The following ATAD2 variants were observed in gnomAD, a reference collection of about 807,000 sequenced individuals.
ATAD2 encodes the protein ATPase family AAA domain-containing protein 2.
ATAD2 carries 62 observed loss-of-function variants against 168.9 expected under a neutral mutation model. That is an observed-to-expected ratio of 0.37 (90% CI 0.30 to 0.45). The LOEUF is 0.45. Ranked by LOEUF, ATAD2 falls within the 20% of genes least tolerant of loss-of-function variation. The pLI is 1.00. For synonymous variants in ATAD2, 613 were observed against 571.6 expected, an observed-to-expected ratio of 1.07 and a Z score of -1.03; for missense variants, 1,419 against 1,667.8, an observed-to-expected ratio of 0.85 and a Z score of 2.60.
rs1172405624 is a variant in ATAD2 at position 123,381,122 on chromosome 8, A to G, written c.172-445T>C. Among the ~76,000 whole-genome samples the G allele has an allele frequency of 2.6e-5, 4 of 152,198 alleles. No homozygotes were observed. The East Asian group carries it at 7.7e-4, about 29-fold the overall frequency. On this transcript the variant is annotated intron_variant, in intron 1 of 27. Coordinates refer to ENST00000287394, the MANE Select transcript of ATAD2 (RefSeq NM_014109.4). ...AAATAACTGGTCCATCAGAATTATA[A>G]TTTTGGCTTAAACAATGAAAAAGAG... is the stretch of plus-strand genomic sequence containing the variant.
chr8:123,355,755 A>C (rs1204861275), intron 13 of ATAD2, among the ~76,000 whole-genome samples: 1 of 152,190 alleles, frequency 6.6e-6, no homozygotes, highest in Non-Finnish European at 1.5e-5. Context: ...AAAGCAACTG[A>C]ATATGCTCTT....
At chr8:123,387,328 T>C (rs570373062) in intron 1 of ATAD2, among the ~76,000 whole-genome samples, 2 of 152,302 alleles carry the variant, frequency 1.3e-5, no homozygotes, top group South Asian at 2.1e-4. Flanking sequence ...TTTTTTCTGA[T>C]GTTATAAATA....
chr8:123,372,587 GAAT>G (rs1323798581), intron 3 of ATAD2, 47 bp downstream of exon 3: 4 of 1,388,158 alleles, frequency 2.9e-6, no homozygotes, highest in Admixed American at 2.3e-5. Context: ...CCTGTAAACA[GAAT>G]ATTAATTACA....
intron 11 of ATAD2, among the ~76,000 whole-genome samples, chr8:123,358,587 C>T (rs1469749407): frequency 2.0e-5 from 3 of 152,064 alleles, no homozygotes; most frequent in East Asian, 3.8e-4. Flanking sequence ...ACCTTGTGAT[C>T]CACCTACCTT....
chr8:123,367,290 GC>G (rs1288263709), intron 8 of ATAD2, among the ~76,000 whole-genome samples: 1 of 152,114 alleles, frequency 6.6e-6, no homozygotes, highest in African/African-American at 2.4e-5. Flanking sequence ...GGTGGCAGAC[GC>G]CTGTGATCCC....
chr8:123,366,699 A>G (rs1396983765), intron 8 of ATAD2, among the ~76,000 whole-genome samples: 3 of 152,232 alleles, frequency 2.0e-5, no homozygotes, highest in Non-Finnish European at 4.4e-5. Context: ...ATGCAAAGGC[A>G]TAAGAATGAC....
chr8:123,401,970 A>T, intron 1 of ATAD2: 1 of 970,366 alleles, frequency 1.0e-6, no homozygotes, highest in South Asian at 1.3e-5. Context: ...CATGGCTGCC[A>T]GGATATCAGG....
chr8:123,346,007 C>T (rs1828227580), intron 18 of ATAD2, 79 bp downstream of exon 18: 2 of 1,172,464 alleles, frequency 1.7e-6, no homozygotes, highest in Non-Finnish European at 2.3e-6. Flanking sequence ...CAAAAAAACA[C>T]AATACAAAAA....
intron 13 of ATAD2, among the ~76,000 whole-genome samples, chr8:123,354,965 C>A (rs573094471): frequency 6.9e-6 from 1 of 144,978 alleles, no homozygotes; most frequent in East Asian, 2.0e-4. Flanking sequence ...AGAAGTATCC[C>A]AAAACACAGT....
intron 24 of ATAD2, among the ~76,000 whole-genome samples, chr8:123,332,825 G>A (rs1048726562): frequency 7.8e-6 from 1 of 127,856 alleles, no homozygotes; most frequent in South Asian, 3.2e-4. Flanking sequence ...TCAAACGATT[G>A]TTTTAAGGGA....
At chr8:123,365,919 G>A (rs1828962925) in intron 8 of ATAD2, among the ~76,000 whole-genome samples, 1 of 152,032 alleles carries the variant, frequency 6.6e-6, no homozygotes, top group African/African-American at 2.4e-5. Context: ...AGATAAACAG[G>A]TGGGACTTAA....
chr8:123,394,687 G>A (rs1423075248), intron 1 of ATAD2, among the ~76,000 whole-genome samples: 3 of 152,054 alleles, frequency 2.0e-5, no homozygotes, highest in African/African-American at 2.4e-5. Context: ...ATATCAGTAC[G>A]TATCATTATG....
upstream of ATAD2, among the ~76,000 whole-genome samples, chr8:123,396,679 G>T (rs975982867): frequency 2.0e-5 from 3 of 152,228 alleles, no homozygotes; most frequent in Non-Finnish European, 2.9e-5. Context: ...GTTCCGGCTC[G>T]CTGAGCTCGG....
chr8:123,396,141 TC>T, intron 1 of ATAD2, 45 bp downstream of exon 1: 9 of 1,499,984 alleles, frequency 6.0e-6, no homozygotes, highest in South Asian at 2.5e-5. Flanking sequence ...CTGCCGGCAG[TC>T]CCCCCGGGAA....
intron 24 of ATAD2, among the ~76,000 whole-genome samples, chr8:123,329,981 CTTT>C (rs71310666): frequency 4.2e-4 from 42 of 100,322 alleles, no homozygotes; most frequent in African/African-American, 1.3e-3. Context: ...CCAGTGGCTT[CTTT>C]TTTTTTTTTT....
chr8:123,354,569 C>T (rs1033979518), intron 13 of ATAD2, among the ~76,000 whole-genome samples: 4 of 151,608 alleles, frequency 2.6e-5, no homozygotes, highest in Non-Finnish European at 5.9e-5. Flanking sequence ...AGGCTGGGTG[C>T]GGTGGCTCAC....
chr8:123,387,685 G>A lies in ATAD2; in HGVS notation c.172-7008C>T, dbSNP rs116130494. 2.4e-3 allele frequency among the ~76,000 whole-genome samples: 361 copies of A among 152,226 alleles called. 2 individuals carry two copies. Among genetic ancestry groups the A allele is most frequent in the African/African-American group, 8.1e-3 (337 of 41,546 alleles). On this transcript the variant is annotated intron_variant, in intron 1 of 27. Coordinates refer to ENST00000287394, the MANE Select transcript of ATAD2 (RefSeq NM_014109.4). ...TTAAGAGAGGAAATGTTAGTATTTT[G>A]TTAAATTTTAAGTTTCTCACAACCT...
chr8:123,396,391 G>GGA lies in ATAD2; in HGVS notation c.-36_-35dup. ...CCTACTGGCCTCGGCGTGCGCGACC[G>GGA]GAGAGAGATCCAGCTCCAGGCGCTC... is the stretch of plus-strand genomic sequence containing the variant. On this transcript the variant is annotated 5_prime_UTR_variant, in exon 1 of 28. Coordinates refer to ENST00000287394, the MANE Select transcript of ATAD2 (RefSeq NM_014109.4). 6.5e-7 allele frequency: 1 copy of GGA among 1,528,530 alleles called. No individual in the cohort carries two copies. Among genetic ancestry groups the GGA allele is most frequent in the Non-Finnish European group, 8.8e-7 (1 of 1,139,334 alleles). 94.7% of individuals were successfully genotyped at this position (1,528,530 alleles called of 1,614,324 possible).
chr8:123,374,852 C>CTA (rs1829256340), intron 2 of ATAD2, among the ~76,000 whole-genome samples: 2 of 152,328 alleles, frequency 1.3e-5, no homozygotes, highest in South Asian at 4.1e-4. Flanking sequence ...TCTGCGAAGA[C>CTA]TATACCTAAT....
Sources: allele counts gnomAD v4.1 joint callset (sites outside exome capture counted in the v4.1 genomes callset), GRCh38; gene constraint gnomAD v4.1.1; transcripts MANE v1.5; gene names NCBI Gene and HGNC (gene_info 2026-07-23, HGNC 2026-07-21).